Variants in TMEM268 observed in about 807,000 individuals in gnomAD.
TMEM268 encodes the protein transmembrane protein 268.
TMEM268 carries 24 observed loss-of-function variants against 39.1 expected under a neutral mutation model. The observed-to-expected ratio is 0.61, with a 90% CI of 0.44 to 0.86. The LOEUF (loss-of-function observed/expected upper bound fraction) is 0.86. TMEM268 is among the 40% of genes least tolerant of loss of function. The pLI, the probability that TMEM268 is intolerant of heterozygous loss-of-function variation, is 0.00. For synonymous variants in TMEM268, 176 were observed against 173.5 expected (o/e 1.01, Z -0.12); for missense variants, 409 against 428.6 (o/e 0.95, Z 0.40).
At position 114,622,090 on chromosome 9, in the gene TMEM268, G is replaced by A. The variant is rs1845968869; in HGVS notation, c.107-2260G>A. The A allele has an allele frequency of 1.7e-5, 17 of 985,298 alleles. No individual in the cohort carries two copies. The South Asian group carries it at 6.1e-4, about 35-fold the overall frequency. The allele number at this position is 985,298 out of a possible 1,614,324, so 61.0% of individuals were successfully genotyped here. A position where few individuals can be genotyped will look rare whatever the true frequency, so the allele number is the denominator to read the frequency against. On this transcript the variant is annotated intron_variant, in intron 2 of 8. Coordinates refer to ENST00000288502, the MANE Select transcript of TMEM268 (RefSeq NM_153045.4). ...AGGGCACAGAGTGGACAGATGTTTT[G>A]TTTGCCTAGTTGGCAGGGCTTGGTG...
rs565916886 is a variant in TMEM268 at position 114,616,562 on chromosome 9, C to T, written c.-78-556C>T. 2.7e-5 allele frequency among the ~76,000 whole-genome samples: 4 copies of T among 150,706 alleles called. 1 individual carries two copies. The highest frequency in any genetic ancestry group is 9.8e-5 in the African/African-American group (4 of 40,996). ...TGTGTTTTTGGTAGAGGTGGGGTTT[C>T]ACCATGTTGGCCAGGCTGGTCTCAA... is the stretch of plus-strand genomic sequence containing the variant. On this transcript the variant is annotated intron_variant, in intron 1 of 8. Transcript: ENST00000288502.
intron 5 of TMEM268, among the ~76,000 whole-genome samples, chr9:114,632,732 C>T (rs776224357): frequency 6.6e-6 from 1 of 152,192 alleles, no homozygotes; most frequent in Admixed American, 6.5e-5. Flanking sequence ...TTTGATCTCC[C>T]ATCTTCCGCA....
rs1418662802 is a variant in TMEM268, at chr9:114,646,362, A to G, written c.*3049A>G. 6.6e-6 allele frequency: 1 copy of G among 152,320 alleles called. No individual in the cohort carries two copies. The highest frequency in any genetic ancestry group is 1.5e-5 in the Non-Finnish European group (1 of 68,054). The allele number at this position is 152,320 out of a possible 1,614,324, so 9.4% of individuals were successfully genotyped here. Reference sequence around the variant, plus strand: ...GATTAAATGGTGTAAAAAAATGTCAAGTGCTTGCAACTTTGAATACCAAAC... The same window carrying G: ...GATTAAATGGTGTAAAAAAATGTCAGGTGCTTGCAACTTTGAATACCAAAC... On this transcript the variant is annotated 3_prime_UTR_variant, in exon 9 of 9. Transcript: ENST00000288502.
chr9:114,628,448 A>G (rs1846254744), intron 5 of TMEM268, among the ~76,000 whole-genome samples, 198 bp downstream of exon 5: 1 of 152,112 alleles, frequency 6.6e-6, no homozygotes, highest in Non-Finnish European at 1.5e-5. Context: ...ATCCCTGTGG[A>G]TTGTTTTTCT....
intron 7 of TMEM268, among the ~76,000 whole-genome samples, chr9:114,637,751 G>C (rs1564300780): frequency 6.6e-6 from 1 of 152,166 alleles, no homozygotes; most frequent in Non-Finnish European, 1.5e-5. Flanking sequence ...ACAGGCTCCG[G>C]GATGACCTGT....
In TMEM268 at chr9:114,627,023, C is replaced by T; in HGVS notation, c.324+17C>T. 1 of 1,552,982 alleles carries T rather than the reference C, an allele frequency of 6.4e-7. No individual in the cohort carries two copies. The highest frequency in any genetic ancestry group is 8.9e-7 in the Non-Finnish European group (1 of 1,125,482). On this transcript the variant is annotated intron_variant, in intron 4 of 8. Coordinates refer to ENST00000288502, the MANE Select transcript of TMEM268 (RefSeq NM_153045.4). ...TTTGCTGTGGTAAGGGGGAGGTGGC[C>T]CGCACACTGACCCTGCCCTGACAGC...
intron 2 of TMEM268, among the ~76,000 whole-genome samples, chr9:114,623,701 C>T (rs748115892): frequency 5.3e-5 from 8 of 152,186 alleles, no homozygotes; most frequent in Non-Finnish European, 8.8e-5. Flanking sequence ...ACTTCTGTCC[C>T]GCTTTTCCAC....
At chr9:114,621,681 A>G (rs28714496) in intron 2 of TMEM268, among the ~76,000 whole-genome samples, 2,887 of 152,264 alleles carry the variant, frequency 0.019, 96 homozygotes, top group African/African-American at 0.066. Context: ...TGGGATACAA[A>G]TGATGCATGG....
chr9:114,633,867 A>G lies in TMEM268; in HGVS notation c.574A>G (p.Ser192Gly). 6.3e-7 allele frequency: 1 copy of G among 1,588,532 alleles called. No homozygotes were observed. Among genetic ancestry groups the G allele is most frequent in the Non-Finnish European group, 8.6e-7 (1 of 1,165,914 alleles). Reference protein sequence around the residue: ...GVTDTVEGCQSVIQLWFVYFD... With the variant: ...GVTDTVEGCQGVIQLWFVYFD... ...GACAGACACAGTGGAAGGATGCCAG[A>G]GTGTGATTCAGGTGCTGTGTCTCAT... Residue 192 changes from serine to glycine, a missense_variant, in exon 6 of 9, where the codon AGT (serine) becomes GGT (glycine). Coordinates refer to ENST00000288502, the MANE Select transcript of TMEM268 (RefSeq NM_153045.4).
chr9:114,611,517 C>T lies in TMEM268; in HGVS notation c.-126C>T. On this transcript the variant is annotated 5_prime_UTR_variant, in exon 1 of 9. Coordinates refer to ENST00000288502, the MANE Select transcript of TMEM268 (RefSeq NM_153045.4). ...GCATTAGGGGCTCGGCGCCCCCGAC[C>T]TTCCGCGTCCCGGGGTGGCGGCGGC... is the stretch of plus-strand genomic sequence containing the variant. The T allele has an allele frequency of 6.2e-6, 1 of 160,420 alleles. No individual in the cohort carries two copies. The highest frequency in any genetic ancestry group is 1.3e-5 in the Non-Finnish European group (1 of 79,804). The allele number at this position is 160,420 out of a possible 1,614,324, so 9.9% of individuals were successfully genotyped here.
intron 5 of TMEM268, among the ~76,000 whole-genome samples, chr9:114,628,740 A>C (rs1278967863): frequency 6.6e-6 from 1 of 152,158 alleles, no homozygotes; most frequent in East Asian, 1.9e-4. Context: ...CCTTTGAGGC[A>C]AGGTGGGTGG....
chr9:114,617,391 G>A, intron 2 of TMEM268, 90 bp downstream of exon 2: 2 of 1,004,044 alleles, frequency 2.0e-6, no homozygotes, highest in African/African-American at 1.6e-5. Context: ...GATAAGGTCA[G>A]GGGGAGGTGT....
In TMEM268 at chr9:114,637,189, CAATCAGTGG is replaced by C; in HGVS notation, c.666+120_666+128del. On this transcript the variant is annotated intron_variant, in intron 7 of 8. Transcript: ENST00000288502. ...AGTTACTTGGAAGAATACCTACGAG[CAATCAGTGG>C]TTGTTTTGCCTAGGGAATTATGGCT... 6.6e-6 allele frequency: 4 copies of C among 607,954 alleles called. No homozygotes were observed. The South Asian group carries it at 9.1e-5, about 14-fold the overall frequency. 37.7% of individuals were successfully genotyped at this position (607,954 alleles called of 1,614,324 possible).
At chr9:114,626,612 C>G (rs1043957623) in intron 3 of TMEM268, among the ~76,000 whole-genome samples, 2 of 152,182 alleles carry the variant, frequency 1.3e-5, no homozygotes, top group Non-Finnish European at 2.9e-5. Context: ...GAGTTTGGGC[C>G]CAGGGCTGTC....
chr9:114,620,595 A>G (rs984537121), intron 2 of TMEM268, among the ~76,000 whole-genome samples: 1 of 152,140 alleles, frequency 6.6e-6, no homozygotes, highest in Non-Finnish European at 1.5e-5. Flanking sequence ...AATATGGAAC[A>G]AGGTGTGGGA....
intron 7 of TMEM268, 131 bp from the exon 8 acceptor site, chr9:114,638,413 G>T: frequency 1.6e-6 from 1 of 609,236 alleles, no homozygotes; most frequent in Non-Finnish European, 2.8e-6. Context: ...AATGCGACCA[G>T]CTTTTTCTGA....
At chr9:114,625,761 G>T (rs964280405) in intron 3 of TMEM268, among the ~76,000 whole-genome samples, 11 of 150,740 alleles carry the variant, frequency 7.3e-5, no homozygotes, top group African/African-American at 2.0e-4. Context: ...TTTCTTATGG[G>T]TGAACAGTTT....
chr9:114,640,798 T>C (rs374498848), intron 8 of TMEM268, among the ~76,000 whole-genome samples: 1 of 152,142 alleles, frequency 6.6e-6, no homozygotes, highest in Admixed American at 6.5e-5. Flanking sequence ...TTTTGAGTGA[T>C]AATGATGGAA....
the TMEM268 span, among the ~76,000 whole-genome samples, chr9:114,606,127 G>C: frequency 0.031 from 4,724 of 152,090 alleles, 130 homozygotes; most frequent in Admixed American, 0.093. Context: ...AAGCCCAATT[G>C]CCTTCAACTG....
Sources: gnomAD v4.1 joint callset for allele counts (sites outside exome capture counted in the v4.1 genomes callset) on GRCh38, gnomAD v4.1.1 for gene constraint, MANE v1.5 for transcripts, NCBI Gene and HGNC (gene_info 2026-07-23, HGNC 2026-07-21) for gene names.